KIN: variants seen among roughly 807,000 people sequenced by gnomAD.
KIN encodes the protein Kin17 DNA and RNA binding protein, also known as DNA/RNA-binding protein KIN17.
In KIN, 47 loss-of-function variants were observed where a neutral mutation model predicts 63.0. That is an observed-to-expected ratio of 0.75 (90% CI 0.59 to 0.95). The LOEUF is 0.95. Ranked by LOEUF, KIN falls within the 40% of genes least tolerant of loss-of-function variation. The pLI is 0.00. For missense variants in KIN, 408 were observed against 460.9 expected, an observed-to-expected ratio of 0.89 and a Z score of 1.05; for synonymous variants, 160 against 157.7, an observed-to-expected ratio of 1.01 and a Z score of -0.11.
rs1231386089 is a variant in KIN at position 7,751,140 on chromosome 10, A to G, written c.*4940T>C. On this transcript the variant is annotated 3_prime_UTR_variant, in exon 13 of 13. Coordinates refer to ENST00000379562, the MANE Select transcript of KIN (RefSeq NM_012311.4). ...TGGTGCTAAGATGCAAGTCTGAACC[A>G]GTGTAATTCTGTGCTTTGCTGTGTT... 1 of 152,240 alleles carries G rather than the reference A, an allele frequency of 6.6e-6. No homozygotes were observed. The highest frequency in any genetic ancestry group is 2.4e-5 in the African/African-American group (1 of 41,470). 9.4% of individuals were successfully genotyped at this position (152,240 alleles called of 1,614,324 possible). A position where few individuals can be genotyped will look rare whatever the true frequency, so the allele number is the denominator to read the frequency against.
chr10:7,757,310 C>T (rs910172367), intron 12 of KIN, among the ~76,000 whole-genome samples: 11 of 151,966 alleles, frequency 7.2e-5, no homozygotes, highest in Non-Finnish European at 1.5e-4. Context: ...ACCAGCCTGA[C>T]CAACATAGTG....
At position 7,787,800 on chromosome 10, in the gene KIN, GC is replaced by G; in HGVS notation, c.114+19del. 1 of 1,578,332 alleles carries G rather than the reference GC, an allele frequency of 6.3e-7. No homozygotes were observed. Among genetic ancestry groups the G allele is most frequent in the African/African-American group, 1.3e-5 (1 of 74,318 alleles). On this transcript the variant is annotated intron_variant, in intron 1 of 12. Transcript: ENST00000379562. The stretch of plus-strand genomic sequence containing the variant: ...CCAGGGGCCCTCCTGGGAAGACGGG[GC>G]CACTCCGGGCCCACTCACCTCGTCC...
In KIN at chr10:7,778,967, G is replaced by A. The variant is rs777223848; in HGVS notation, c.429C>T (p.Asp143=). The A allele has an allele frequency of 1.2e-6, 2 of 1,613,782 alleles. No homozygotes were observed. Among genetic ancestry groups the A allele is most frequent in the African/African-American group, 1.3e-5 (1 of 74,822 alleles). The change falls in exon 5 of 13, where the codon GAC becomes GAT. Residue 143 remains aspartate, a synonymous_variant. Transcript: ENST00000379562. ...GCCGGCGGATAGTTTCTGGGTCCCT[G>A]TCTATGTACTGAATATACCAGCCTT... ...TPKGWYIQYI[D]RDPETIRRQL... is the part of the protein sequence containing the mutation.
rs757713279 is a variant in KIN, at chr10:7,763,733, G to C, written c.908C>G (p.Ala303Gly). ...ATTGCACGTCCTTACCTTAACAATA[G>C]CCTTTTTCTTATGATATTTCTCTCC... is the stretch of plus-strand genomic sequence containing the variant. ...KLGEKYHKKK[A>G]IVKEVIDKYT... Residue 303 changes from alanine to glycine, a missense_variant, in exon 10 of 13, where the codon GCT becomes GGT. Around this residue, in one of 2 missense-constraint regions of KIN, gnomAD observed 298 missense variants for 296.0 expected, o/e 1.01. Transcript: ENST00000379562. 6.7e-7 allele frequency: 1 copy of C among 1,485,094 alleles called. No homozygotes were observed. The highest frequency in any genetic ancestry group is 9.3e-7 in the Non-Finnish European group (1 of 1,076,252). The allele number at this position is 1,485,094 out of a possible 1,614,324, so 92.0% of individuals were successfully genotyped here.
intron 1 of KIN, among the ~76,000 whole-genome samples, chr10:7,784,750 A>G (rs1158528681): frequency 1.3e-5 from 2 of 152,230 alleles, no homozygotes; most frequent in Admixed American, 1.3e-4. Context: ...CAAGGATGCT[A>G]AAACACACAG....
chr10:7,766,269 G>C, intron 8 of KIN, 166 bp from the exon 9 acceptor site: 1 of 483,522 alleles, frequency 2.1e-6, no homozygotes, highest in Non-Finnish European at 3.6e-6. Context: ...AACATTACTT[G>C]TCATTAGTTT....
intron 9 of KIN, 36 bp downstream of exon 9, chr10:7,766,017 C>A (rs754233987): frequency 1.3e-6 from 2 of 1,506,538 alleles, no homozygotes; most frequent in Admixed American, 1.9e-5. Context: ...CTTAAACATA[C>A]ATTTAGAACT....
chr10:7,777,855 C>T (rs562568185), intron 5 of KIN, among the ~76,000 whole-genome samples: 3 of 150,102 alleles, frequency 2.0e-5, no homozygotes, highest in South Asian at 2.1e-4. Flanking sequence ...GCTGAAATCG[C>T]GCCACTGCAC....
intron 8 of KIN, among the ~76,000 whole-genome samples, chr10:7,768,583 G>A (rs1030622195): frequency 2.0e-5 from 3 of 152,084 alleles, no homozygotes; most frequent in South Asian, 2.1e-4. Flanking sequence ...TCGCTAGGAG[G>A]TGCTAAGCGG....
Position 7,775,735 on chromosome 10 carries a change from T to TA in KIN, c.607+15dup. The TA allele has an allele frequency of 1.4e-6, 2 of 1,435,466 alleles. No homozygotes were observed. Among genetic ancestry groups the TA allele is most frequent in the Non-Finnish European group, 1.9e-6 (2 of 1,051,414 alleles). The allele number at this position is 1,435,466 out of a possible 1,614,324, so 88.9% of individuals were successfully genotyped here. On this transcript the variant is annotated intron_variant, in intron 6 of 12. Transcript: ENST00000379562. ...CATCTATGTTTAAAAAAAGAAAAAATAAAAAATAAAACTACCTTTCTCTTC... is the reference window on the plus strand; with the variant it reads ...CATCTATGTTTAAAAAAAGAAAAAATAAAAAAATAAAACTACCTTTCTCTTC...
intron 12 of KIN, 71 bp downstream of exon 12, chr10:7,759,819 T>C (rs770438470): frequency 6.3e-6 from 5 of 788,700 alleles, no homozygotes; most frequent in African/African-American, 5.3e-5. Flanking sequence ...TAAAGAACAA[T>C]CCAATTAAAA....
At chr10:7,786,574 T>C (rs901707222) in intron 1 of KIN, among the ~76,000 whole-genome samples, 1 of 151,664 alleles carries the variant, frequency 6.6e-6, no homozygotes, top group Non-Finnish European at 1.5e-5. Context: ...AGAGCCTGCA[T>C]GATGAACAGG....
At chr10:7,758,511 T>C (rs2130983980) in intron 12 of KIN, among the ~76,000 whole-genome samples, 1 of 152,306 alleles carries the variant, frequency 6.6e-6, no homozygotes, top group East Asian at 1.9e-4. Context: ...AATTAGTTTT[T>C]GATGAATGGA....
At chr10:7,778,537 G>A (rs1408543468) in intron 5 of KIN, among the ~76,000 whole-genome samples, 1 of 152,172 alleles carries the variant, frequency 6.6e-6, no homozygotes. Flanking sequence ...TCAGGAGTTG[G>A]AGACCGGCCT....
At chr10:7,756,228 T>G (rs954755757) in intron 12 of KIN, 86 bp from the exon 13 acceptor site, 5 of 743,720 alleles carry the variant, frequency 6.7e-6, no homozygotes, top group Non-Finnish European at 1.1e-5. Context: ...GGATACAAAT[T>G]TGCCTTTTCC....
chr10:7,776,458 T>C (rs541827868), intron 5 of KIN, among the ~76,000 whole-genome samples: 1 of 148,790 alleles, frequency 6.7e-6, no homozygotes, highest in South Asian at 2.1e-4. Context: ...AGGAGAATCG[T>C]CTGAATCCAG....
intron 7 of KIN, 148 bp from the exon 8 acceptor site, chr10:7,769,493 T>G: frequency 2.7e-6 from 2 of 751,192 alleles, no homozygotes; most frequent in Non-Finnish European, 4.3e-6. Context: ...TCCACATCTC[T>G]TACAGAACCA....
Position 7,759,608 on chromosome 10 carries a change from T to C in KIN, c.1119+282A>G, listed in dbSNP as rs149311957. ...GGAACAGACCAAAATATTAATGGGGTTTATTGTTGGGCTGGGGGACTATGA... is the reference window on the plus strand; with the variant it reads ...GGAACAGACCAAAATATTAATGGGGCTTATTGTTGGGCTGGGGGACTATGA... On this transcript the variant is annotated intron_variant, in intron 12 of 12. Transcript: ENST00000379562. Among the ~76,000 whole-genome samples, 20 of 151,968 alleles carry C rather than the reference T, an allele frequency of 1.3e-4. No individual in the cohort carries two copies. In the East Asian group the frequency reaches 3.9e-3, roughly 29 times the overall value.
intron 10 of KIN, 26 bp downstream of exon 10, chr10:7,763,696 AT>A (rs1266098428): frequency 7.6e-7 from 1 of 1,315,778 alleles, no homozygotes; most frequent in South Asian, 1.3e-5. Context: ...TTTTTCACAA[AT>A]TCCATTCATA....
Sources: allele counts gnomAD v4.1 joint callset (sites outside exome capture counted in the v4.1 genomes callset), GRCh38; gene constraint gnomAD v4.1.1; regional missense constraint gnomAD v4.1.1; transcripts MANE v1.5; gene names NCBI Gene and HGNC (gene_info 2026-07-23, HGNC 2026-07-21).